The following ZNF804B variants were observed in gnomAD, a reference collection of about 807,000 sequenced individuals.
ZNF804B encodes the protein zinc finger protein 804B.
Under a neutral mutation model 101.4 loss-of-function variants are expected in ZNF804B, and 80 were observed. The ratio of observed to expected loss-of-function variants is 0.79; its 90% CI spans 0.66 to 0.95. The LOEUF (loss-of-function observed/expected upper bound fraction) is 0.95. Ranked by LOEUF, ZNF804B falls within the 40% of genes least tolerant of loss-of-function variation. The pLI is 0.00. For missense variants in ZNF804B, 1,673 were observed against 1,561.9 expected (o/e 1.07, Z -1.20); for synonymous variants, 622 against 558.8 (o/e 1.11, Z -1.59).
At chr7:89,026,501 A>T (rs1161305479) in intron 1 of ZNF804B, among the ~76,000 whole-genome samples, 1 of 152,194 alleles carries the variant, frequency 6.6e-6, no homozygotes, top group Non-Finnish European at 1.5e-5. Flanking sequence ...AAGAAAGGCC[A>T]CATTAGATGC....
chr7:88,893,110 G>A (rs35335437), intron 1 of ZNF804B, among the ~76,000 whole-genome samples: 1,655 of 152,076 alleles, frequency 0.011, 21 homozygotes, highest in Middle Eastern at 0.024. Context: ...CAAGCACTTT[G>A]GTCATTATAT....
chr7:89,336,017 A>G lies in ZNF804B; in HGVS notation c.3035A>G (p.Asn1012Ser). ...EKDKSKSSHTNNFTILADTDC... is the reference protein window; with the variant it reads ...EKDKSKSSHTSNFTILADTDC... ...GACAAAAGCAAAAGTTCACACACAA[A>G]TAATTTTACAATTTTAGCAGACACT... The change falls in exon 4 of 4, where the codon AAT becomes AGT. Residue 1012 changes from asparagine to serine, a missense_variant. Physicochemically the swap from Asn to Ser is conservative, Grantham distance 46 (BLOSUM62 1). Transcript: ENST00000333190. 6.2e-7 allele frequency: 1 copy of G among 1,614,034 alleles called. No homozygotes were observed.
intron 1 of ZNF804B, among the ~76,000 whole-genome samples, chr7:89,094,574 G>A (rs1035749149): frequency 1.2e-4 from 18 of 152,138 alleles, no homozygotes; most frequent in Non-Finnish European, 2.4e-4. Flanking sequence ...ATTTTAATAC[G>A]TTAGTCGCTG....
At chr7:89,198,452 A>C (rs1274025161) in intron 1 of ZNF804B, among the ~76,000 whole-genome samples, 1 of 151,946 alleles carries the variant, frequency 6.6e-6, no homozygotes, top group Admixed American at 6.6e-5. Context: ...CTTCTAATGA[A>C]AGCATTATAG....
chr7:88,774,123 G>C lies in ZNF804B; in HGVS notation c.108+14039G>C, dbSNP rs114877551. On this transcript the variant is annotated intron_variant, in intron 1 of 3. Coordinates refer to ENST00000333190, the MANE Select transcript of ZNF804B (RefSeq NM_181646.5). Reference sequence around the variant, plus strand: ...ACTCATGCACAAAGCACTTAGGTCAGAGTTTAAAATTAATTTAGATCTATA... The same window carrying C: ...ACTCATGCACAAAGCACTTAGGTCACAGTTTAAAATTAATTTAGATCTATA... Among the ~76,000 whole-genome samples, 709 of 151,846 alleles carry C rather than the reference G, an allele frequency of 4.7e-3. 5 individuals are homozygous for C. The highest frequency in any genetic ancestry group is 0.016 in the African/African-American group (680 of 41,444).
intron 1 of ZNF804B, among the ~76,000 whole-genome samples, chr7:89,183,542 G>A (rs1788331373): frequency 6.6e-6 from 1 of 152,128 alleles, no homozygotes; most frequent in Non-Finnish European, 1.5e-5. Context: ...GAGAAATGCT[G>A]TAGATTTCTT....
chr7:89,088,246 A>G (rs928255111), intron 1 of ZNF804B, among the ~76,000 whole-genome samples: 2 of 152,070 alleles, frequency 1.3e-5, no homozygotes, highest in Non-Finnish European at 2.9e-5. Flanking sequence ...GGAAATATCT[A>G]GAAGCAAGAA....
In ZNF804B at chr7:89,337,082, A is replaced by G. The variant is rs557938007; in HGVS notation, c.*50A>G. ...ATAATTTTTTTAATTGTCACTACCTATAAAATCATACATTTAAAGAAGTCT... is the reference window on the plus strand; with the variant it reads ...ATAATTTTTTTAATTGTCACTACCTGTAAAATCATACATTTAAAGAAGTCT... On this transcript the variant is annotated 3_prime_UTR_variant, in exon 4 of 4. Coordinates refer to ENST00000333190, the MANE Select transcript of ZNF804B (RefSeq NM_181646.5). 7 of 1,503,408 alleles carry G rather than the reference A, an allele frequency of 4.7e-6. No individual in the cohort carries two copies. The highest frequency in any genetic ancestry group is 3.9e-5 in the South Asian group (3 of 77,186). The allele number at this position is 1,503,408 out of a possible 1,614,324, so 93.1% of individuals were successfully genotyped here.
chr7:89,119,179 C>T (rs917214416), intron 1 of ZNF804B, among the ~76,000 whole-genome samples: 2 of 152,144 alleles, frequency 1.3e-5, no homozygotes, highest in East Asian at 1.9e-4. Context: ...TCTTTAGTAT[C>T]ATTAATGGTG....
At chr7:88,769,797 G>T (rs546223421) in intron 1 of ZNF804B, among the ~76,000 whole-genome samples, 1 of 152,254 alleles carries the variant, frequency 6.6e-6, no homozygotes, top group South Asian at 2.1e-4. Context: ...ATCTCCAATT[G>T]CCTGAGTTTA....
intron 1 of ZNF804B, among the ~76,000 whole-genome samples, chr7:88,923,975 A>G (rs1792759780): frequency 6.6e-6 from 1 of 152,118 alleles, no homozygotes; most frequent in Non-Finnish European, 1.5e-5. Context: ...AGTGATACCA[A>G]TTTGTGTTGT....
intron 1 of ZNF804B, among the ~76,000 whole-genome samples, chr7:88,837,832 GGCC>G (rs1335538621): frequency 1.3e-5 from 2 of 151,570 alleles, no homozygotes; most frequent in Non-Finnish European, 2.9e-5. Context: ...GACTTTCGAT[GGCC>G]ATCTATTAAA....
intron 1 of ZNF804B, among the ~76,000 whole-genome samples, chr7:89,108,899 A>G (rs940189692): frequency 2.0e-5 from 3 of 152,158 alleles, no homozygotes; most frequent in Non-Finnish European, 4.4e-5. Flanking sequence ...CACCAGAGGA[A>G]GAAAAGAAAA....
intron 1 of ZNF804B, among the ~76,000 whole-genome samples, chr7:89,167,423 G>A (rs1309633936): frequency 3.1e-5 from 4 of 129,728 alleles, no homozygotes; most frequent in African/African-American, 8.1e-5. Context: ...ACTCCGGGCC[G>A]AAAACAGCAA....
At chr7:89,017,591 T>A (rs1487006290) in intron 1 of ZNF804B, among the ~76,000 whole-genome samples, 2 of 152,138 alleles carry the variant, frequency 1.3e-5, no homozygotes, top group Non-Finnish European at 2.9e-5. Flanking sequence ...TTAGATTGAA[T>A]CTGTAGATAG....
At chr7:88,858,726 T>C (rs1283633528) in intron 1 of ZNF804B, among the ~76,000 whole-genome samples, 4 of 152,128 alleles carry the variant, frequency 2.6e-5, no homozygotes, top group Non-Finnish European at 5.9e-5. Flanking sequence ...ATAATATCAT[T>C]TGAAAGACTT....
At chr7:88,830,263 G>A (rs1405138529) in intron 1 of ZNF804B, among the ~76,000 whole-genome samples, 2 of 152,042 alleles carry the variant, frequency 1.3e-5, no homozygotes, top group Admixed American at 6.6e-5. Flanking sequence ...ATTAGCCAGA[G>A]TACAAAGCAG....
intron 3 of ZNF804B, among the ~76,000 whole-genome samples, chr7:89,331,995 C>G (rs1790991743): frequency 6.6e-6 from 1 of 151,006 alleles, no homozygotes; most frequent in South Asian, 2.1e-4. Flanking sequence ...GTTATACATA[C>G]ATATATGTAT....
At chr7:89,288,480 G>A (rs369508882) in intron 2 of ZNF804B, among the ~76,000 whole-genome samples, 3 of 152,066 alleles carry the variant, frequency 2.0e-5, no homozygotes, top group African/African-American at 7.2e-5. Context: ...CAGCTGACAA[G>A]ATCTACGAAA....
Sources: gnomAD v4.1 joint callset for allele counts (sites outside exome capture counted in the v4.1 genomes callset) on GRCh38, gnomAD v4.1.1 for gene constraint, MANE v1.5 for transcripts, NCBI Gene and HGNC (gene_info 2026-07-23, HGNC 2026-07-21) for gene names.